Variants in FRMD3 observed in about 807,000 individuals in gnomAD.
The protein encoded by FRMD3 is FERM domain containing 3.
In FRMD3, 33 loss-of-function variants were observed where a neutral mutation model predicts 70.2. That is an observed-to-expected ratio of 0.47 (90% CI 0.36 to 0.63). FRMD3 has a LOEUF of 0.63. Among genes scored for constraint, FRMD3 ranks in the 20% least tolerant of loss-of-function variants. The pLI is 0.00. For synonymous variants in FRMD3, 279 were observed against 255.9 expected (o/e 1.09, Z -0.86); for missense variants, 632 against 711.4 (o/e 0.89, Z 1.27).
In FRMD3 at chr9:83,389,673, G is replaced by A. The variant is rs761015564; in HGVS notation, c.183C>T (p.Ile61=). The change falls in exon 2 of 14, where the codon ATC becomes ATT. Residue 61 remains isoleucine, a synonymous_variant. Transcript: ENST00000304195. ...TCTCCAGCAGGCTGTAGTAGTTGCAGATGTGGTCAATGAGAAACTGCCCTT... is the reference window on the plus strand; with the variant it reads ...TCTCCAGCAGGCTGTAGTAGTTGCAAATGTGGTCAATGAGAAACTGCCCTT... ...ETKGQFLIDH[I]CNYYSLLEKD... is the part of the protein sequence containing the mutation. The A allele has an allele frequency of 6.2e-7, 1 of 1,613,866 alleles. No homozygotes were observed. The highest frequency in any genetic ancestry group is 1.3e-5 in the African/African-American group (1 of 74,900).
chr9:83,310,044 A>T (rs1485696407), intron 9 of FRMD3, among the ~76,000 whole-genome samples: 1 of 152,230 alleles, frequency 6.6e-6, no homozygotes, highest in Non-Finnish European at 1.5e-5. Flanking sequence ...GCACAAATGC[A>T]TTCCCTGGTG....
chr9:83,484,530 G>A (rs1381799511), intron 1 of FRMD3, among the ~76,000 whole-genome samples: 1 of 152,146 alleles, frequency 6.6e-6, no homozygotes, highest in Admixed American at 6.5e-5. Context: ...CCATTCTCGT[G>A]CCTCAGCCTC....
chr9:83,536,930 T>TAAAAA lies in FRMD3; in HGVS notation c.147+1150_147+1154dup, dbSNP rs142272516. On this transcript the variant is annotated intron_variant, in intron 1 of 13. Coordinates refer to ENST00000304195, the MANE Select transcript of FRMD3 (RefSeq NM_174938.6). ...ATGGGTGGTGTGCCCTGTATTACAC[T>TAAAAA]AAAAAAAAAAAAAAAAAAAAAAAGC... Among the ~76,000 whole-genome samples, 117 of 60,860 alleles carry TAAAAA rather than the reference T, an allele frequency of 1.9e-3. 7 individuals are homozygous for TAAAAA. Among genetic ancestry groups the TAAAAA allele is most frequent in the African/African-American group, 6.8e-3 (111 of 16,408 alleles). The allele number at this position is 60,860 out of a possible 152,430, so 39.9% of individuals were successfully genotyped here.
At chr9:83,498,734 C>T (rs1007407208) in intron 1 of FRMD3, among the ~76,000 whole-genome samples, 25 of 123,060 alleles carry the variant, frequency 2.0e-4, no homozygotes, top group Non-Finnish European at 4.2e-4. Flanking sequence ...AGCTATCACC[C>T]CTTTAAAAAA....
At chr9:83,458,000 CAA>C (rs10555580) in intron 1 of FRMD3, among the ~76,000 whole-genome samples, 2,607 of 87,980 alleles carry the variant, frequency 0.03, 43 homozygotes, top group African/African-American at 0.087. Flanking sequence ...TATTACCTCT[CAA>C]AAAAAAAAAA....
chr9:83,296,501 G>A (rs1272867449), intron 12 of FRMD3, among the ~76,000 whole-genome samples: 1 of 152,202 alleles, frequency 6.6e-6, no homozygotes, highest in Non-Finnish European at 1.5e-5. Context: ...CCTCCAAGAG[G>A]TTGCTTTGTA....
intron 10 of FRMD3, among the ~76,000 whole-genome samples, chr9:83,308,754 G>C (rs1289331136): frequency 1.3e-5 from 2 of 152,184 alleles, no homozygotes; most frequent in Non-Finnish European, 2.9e-5. Context: ...GGCTCTGACA[G>C]CATTCCACCC....
intron 1 of FRMD3, among the ~76,000 whole-genome samples, chr9:83,411,376 G>A (rs2131339612): frequency 6.6e-6 from 1 of 152,316 alleles, no homozygotes; most frequent in South Asian, 2.1e-4. Flanking sequence ...ACAATAGCTA[G>A]AGAGAAAAGG....
intron 1 of FRMD3, among the ~76,000 whole-genome samples, chr9:83,511,056 G>T (rs1366365724): frequency 1.3e-5 from 2 of 152,296 alleles, no homozygotes; most frequent in South Asian, 4.1e-4. Flanking sequence ...AGATGTGGGA[G>T]GATCCCACTC....
At chr9:83,374,417 G>T (rs1266317545) in intron 2 of FRMD3, among the ~76,000 whole-genome samples, 1 of 151,924 alleles carries the variant, frequency 6.6e-6, no homozygotes, top group Non-Finnish European at 1.5e-5. Flanking sequence ...CGACCAGGTT[G>T]CACAGACAAA....
intron 1 of FRMD3, among the ~76,000 whole-genome samples, chr9:83,494,886 T>C (rs2131503107): frequency 6.6e-6 from 1 of 151,992 alleles, no homozygotes; most frequent in East Asian, 1.9e-4. Context: ...TGTGTATATA[T>C]ATGATATTTT....
chr9:83,363,645 C>A (rs1264781716), intron 3 of FRMD3, among the ~76,000 whole-genome samples: 1 of 151,694 alleles, frequency 6.6e-6, no homozygotes, highest in Non-Finnish European at 1.5e-5. Flanking sequence ...GCTCCGCCCC[C>A]CGGGGTTCAC....
chr9:83,342,043 A>ATCTCTC (rs112748690), intron 5 of FRMD3, among the ~76,000 whole-genome samples: 28,427 of 139,416 alleles, frequency 0.2, 3,039 homozygotes, highest in East Asian at 0.33. Flanking sequence ...TGACATAGTC[A>ATCTCTC]TCTCTCTCTC....
intron 6 of FRMD3, among the ~76,000 whole-genome samples, chr9:83,330,136 G>A (rs1369308099): frequency 2.6e-5 from 4 of 152,128 alleles, no homozygotes; most frequent in Non-Finnish European, 4.4e-5. Flanking sequence ...AGGCAGAGGC[G>A]GGTGGATCAC....
At chr9:83,522,780 A>G (rs1185550110) in intron 1 of FRMD3, among the ~76,000 whole-genome samples, 3 of 151,722 alleles carry the variant, frequency 2.0e-5, no homozygotes, top group Non-Finnish European at 4.4e-5. Context: ...AGCCAGGATG[A>G]TCTCGATCTC....
At chr9:83,511,864 T>C (rs1343334067) in intron 1 of FRMD3, among the ~76,000 whole-genome samples, 1 of 152,194 alleles carries the variant, frequency 6.6e-6, no homozygotes, top group Non-Finnish European at 1.5e-5. Context: ...TGGTGCCTAG[T>C]CTGCTCCCGA....
At chr9:83,407,851 C>CTCTCTCTCTCTCTCTCTCTCATCTT (rs1826156130) in intron 1 of FRMD3, among the ~76,000 whole-genome samples, 9 of 130,624 alleles carry the variant, frequency 6.9e-5, no homozygotes, top group African/African-American at 3.1e-4. Flanking sequence ...CTCTCTCTCT[C>CTCTCTCTCTCTCTCTCTCTCATCTT]TCTCTCTCTC....
intron 13 of FRMD3, among the ~76,000 whole-genome samples, chr9:83,272,485 G>A (rs1833601145): frequency 6.6e-6 from 1 of 152,132 alleles, no homozygotes; most frequent in African/African-American, 2.4e-5. Context: ...GCCTGCCTTG[G>A]CCTCCCAAAG....
intron 1 of FRMD3, among the ~76,000 whole-genome samples, chr9:83,503,037 C>T (rs1025484521): frequency 3.9e-5 from 6 of 152,098 alleles, no homozygotes; most frequent in Non-Finnish European, 8.8e-5. Context: ...AGTAGTACTG[C>T]TAATACTACT....
Sources: gnomAD v4.1 joint callset for allele counts (sites outside exome capture counted in the v4.1 genomes callset) on GRCh38, gnomAD v4.1.1 for gene constraint, MANE v1.5 for transcripts, NCBI Gene and HGNC (gene_info 2026-07-23, HGNC 2026-07-21) for gene names.